The following ERC2 variants were observed in gnomAD, a reference collection of about 807,000 sequenced individuals.
ERC2 encodes the protein ELKS/RAB6-interacting/CAST family member 2.
A neutral mutation model predicts 114.8 loss-of-function variants in ERC2; 42 were observed. The ratio of observed to expected loss-of-function variants is 0.37; its 90% CI spans 0.29 to 0.47. The LOEUF is 0.47. Among genes scored for constraint, ERC2 ranks in the 20% least tolerant of loss-of-function variants. The pLI is 0.99. For missense variants in ERC2, 939 were observed against 1,150.7 expected, an observed-to-expected ratio of 0.82 and a Z score of 2.66; for synonymous variants, 454 against 425.5, an observed-to-expected ratio of 1.07 and a Z score of -0.82.
chr3:55,557,896 G>T (rs974212997), intron 17 of ERC2, among the ~76,000 whole-genome samples: 1 of 152,196 alleles, frequency 6.6e-6, no homozygotes, highest in Non-Finnish European at 1.5e-5. Context: ...TTTGCTCGTG[G>T]CCCTCCAGGG....
intron 17 of ERC2, among the ~76,000 whole-genome samples, chr3:55,549,912 C>T (rs1341895075): frequency 1.4e-5 from 2 of 143,306 alleles, no homozygotes; most frequent in Non-Finnish European, 3.0e-5. Flanking sequence ...GCCCCCAACC[C>T]CCCTCCCCGA....
At chr3:55,836,698 G>A (rs2060903243) in intron 14 of ERC2, among the ~76,000 whole-genome samples, 1 of 152,142 alleles carries the variant, frequency 6.6e-6, no homozygotes, top group South Asian at 2.1e-4. Flanking sequence ...GCGTGGGCAA[G>A]GACTTCATGT....
intron 12 of ERC2, among the ~76,000 whole-genome samples, chr3:55,964,025 A>C (rs1054434478): frequency 1.3e-5 from 2 of 152,258 alleles, no homozygotes; most frequent in Non-Finnish European, 2.9e-5. Flanking sequence ...ATGATTTTCC[A>C]AATTAGAGTA....
chr3:56,293,379 G>A (rs770661748), intron 3 of ERC2, among the ~76,000 whole-genome samples: 1 of 152,184 alleles, frequency 6.6e-6, no homozygotes, highest in African/African-American at 2.4e-5. Flanking sequence ...TCAGGAATGG[G>A]CAAGGGAATG....
chr3:56,203,639 C>T (rs2048533629), intron 3 of ERC2, among the ~76,000 whole-genome samples: 2 of 152,144 alleles, frequency 1.3e-5, no homozygotes, highest in South Asian at 2.1e-4. Context: ...TCCCCTGAAT[C>T]ATCCCAATTA....
intron 14 of ERC2, among the ~76,000 whole-genome samples, chr3:55,740,358 T>G (rs1220707033): frequency 6.6e-6 from 1 of 152,152 alleles, no homozygotes; most frequent in Non-Finnish European, 1.5e-5. Context: ...TGTTTTATTT[T>G]GTTTTGCTTT....
intron 3 of ERC2, among the ~76,000 whole-genome samples, chr3:56,184,853 GGGAA>G (rs1438253432): frequency 1.3e-5 from 2 of 152,132 alleles, no homozygotes; most frequent in African/African-American, 2.4e-5. Flanking sequence ...GGCCTGATGA[GGGAA>G]GAATGGCTTT....
At chr3:55,534,315 G>A (rs2053853020) in intron 17 of ERC2, among the ~76,000 whole-genome samples, 1 of 151,110 alleles carries the variant, frequency 6.6e-6, no homozygotes, top group Non-Finnish European at 1.5e-5. Flanking sequence ...TGTGGTCCCA[G>A]GTACTTGGGA....
chr3:55,831,973 G>T (rs542859309), intron 14 of ERC2, among the ~76,000 whole-genome samples: 1 of 152,216 alleles, frequency 6.6e-6, no homozygotes, highest in Non-Finnish European at 1.5e-5. Context: ...TGGCTCAGAG[G>T]GTCCTACGTC....
At chr3:56,401,761 G>A (rs2060528224) in intron 2 of ERC2, among the ~76,000 whole-genome samples, 1 of 152,200 alleles carries the variant, frequency 6.6e-6, no homozygotes, top group Non-Finnish European at 1.5e-5. Context: ...ACCTAGTGGT[G>A]TTAGACTGCA....
intron 2 of ERC2, among the ~76,000 whole-genome samples, chr3:56,298,211 T>C (rs575117071): frequency 6.6e-6 from 1 of 152,338 alleles, no homozygotes; most frequent in South Asian, 2.1e-4. Flanking sequence ...TGGTAACCAC[T>C]GATTTACTTT....
chr3:56,296,298 C>T lies in ERC2; in HGVS notation c.795G>A (p.Arg265=), dbSNP rs578031251. 5 of 1,614,032 alleles carry T rather than the reference C, an allele frequency of 3.1e-6. No individual in the cohort carries two copies. Among genetic ancestry groups the T allele is most frequent in the South Asian group, 2.2e-5 (2 of 91,084 alleles). The part of the protein sequence containing the change: ...TIELTEENFR[R]LQAEHDRQAK... ...CCTGCCTGTCATGCTCGGCTTGGAG[C>T]CGCCTAAAGTTCTCCTCGGTCAGCT... The change falls in exon 3 of 18, where the codon CGG becomes CGA. Residue 265 remains arginine (R), a synonymous_variant. Transcript: ENST00000288221.
rs79071382 is a variant in ERC2 at position 56,201,977 on chromosome 3, G to C, written c.1075-28457C>G. Among the ~76,000 whole-genome samples the C allele has an allele frequency of 3.2e-3, 491 of 152,258 alleles. 4 individuals carry two copies. The highest frequency in any genetic ancestry group is 0.011 in the African/African-American group (443 of 41,538). ...AGAAGCAAATGCTGCCATTAACTCA[G>C]AGTCAAATTGCAAAAACATAACTTC... On this transcript the variant is annotated intron_variant, in intron 3 of 17. Coordinates refer to ENST00000288221, the MANE Select transcript of ERC2 (RefSeq NM_015576.3).
chr3:55,728,990 G>A (rs2065085545), intron 15 of ERC2, among the ~76,000 whole-genome samples: 1 of 152,202 alleles, frequency 6.6e-6, no homozygotes, highest in Admixed American at 6.5e-5. Flanking sequence ...GAGACTCCAT[G>A]GAGGCTGGAG....
chr3:55,773,974 C>T (rs2068416579), intron 14 of ERC2, among the ~76,000 whole-genome samples: 1 of 152,152 alleles, frequency 6.6e-6, no homozygotes, highest in Admixed American at 6.5e-5. Flanking sequence ...GTTGCTACCC[C>T]TGTCTGATGC....
chr3:56,122,853 T>C (rs2149863046), intron 6 of ERC2, among the ~76,000 whole-genome samples: 1 of 152,308 alleles, frequency 6.6e-6, no homozygotes, highest in South Asian at 2.1e-4. Context: ...TCATGACTGT[T>C]GCTTGCTCCT....
intron 4 of ERC2, among the ~76,000 whole-genome samples, chr3:56,173,101 T>G (rs1269337572): frequency 2.6e-5 from 4 of 152,248 alleles, no homozygotes; most frequent in Non-Finnish European, 4.4e-5. Context: ...AAGGTGCTTT[T>G]TATTGTGATG....
chr3:56,364,383 A>T (rs2059074976), intron 2 of ERC2, among the ~76,000 whole-genome samples: 2 of 152,246 alleles, frequency 1.3e-5, no homozygotes, highest in Admixed American at 1.3e-4. Flanking sequence ...TAAAATGGTT[A>T]AAAATTTTAT....
chr3:55,671,807 G>A (rs562913918), intron 17 of ERC2, among the ~76,000 whole-genome samples: 199 of 152,198 alleles, frequency 1.3e-3, no homozygotes, highest in Non-Finnish European at 2.5e-3. Flanking sequence ...AGAGAAGTCA[G>A]GCTGCAGCAA....
Sources: allele counts gnomAD v4.1 joint callset (sites outside exome capture counted in the v4.1 genomes callset), GRCh38; gene constraint gnomAD v4.1.1; transcripts MANE v1.5; gene names NCBI Gene and HGNC (gene_info 2026-07-23, HGNC 2026-07-21).